SYTL3: variants seen among roughly 807,000 people sequenced by gnomAD.
SYTL3 encodes the protein synaptotagmin-like protein 3.
In SYTL3, 88 loss-of-function variants were observed where a neutral mutation model predicts 82.1. The ratio of observed to expected loss-of-function variants is 1.07; its 90% CI spans 0.90 to 1.28. The LOEUF is 1.28. Among genes scored for constraint, SYTL3 ranks in the 50% most tolerant of loss-of-function variants. The pLI, the probability that SYTL3 is intolerant of heterozygous loss-of-function variation, is 0.00. For missense variants in SYTL3, 831 were observed against 757.6 expected, an observed-to-expected ratio of 1.10 and a Z score of -1.14; for synonymous variants, 311 against 289.4, an observed-to-expected ratio of 1.07 and a Z score of -0.76.
chr6:158,689,386 T>G (rs1246860637), intron 6 of SYTL3, among the ~76,000 whole-genome samples: 1 of 152,228 alleles, frequency 6.6e-6, no homozygotes, highest in Admixed American at 6.5e-5. Context: ...CGAATAAGAT[T>G]GAGTATCTTC....
At chr6:158,691,753 G>A (rs563132343) in intron 6 of SYTL3, among the ~76,000 whole-genome samples, 1 of 151,002 alleles carries the variant, frequency 6.6e-6, no homozygotes, top group African/African-American at 2.4e-5. Flanking sequence ...CCGGGTTCAC[G>A]CCATTCTCCT....
At chr6:158,742,366 CTT>C (rs577058961) in intron 11 of SYTL3, among the ~76,000 whole-genome samples, 194 of 152,268 alleles carry the variant, frequency 1.3e-3, no homozygotes, top group African/African-American at 4.4e-3. Context: ...GGCAAAGAAT[CTT>C]TATCTAGTCT....
chr6:158,721,181 C>G (rs1244513809), intron 10 of SYTL3, among the ~76,000 whole-genome samples: 1 of 152,170 alleles, frequency 6.6e-6, no homozygotes, highest in African/African-American at 2.4e-5. Flanking sequence ...CAGGCCTTCT[C>G]TCTCCCCACC....
intron 5 of SYTL3, among the ~76,000 whole-genome samples, chr6:158,667,123 G>GGC (rs2128373152): frequency 6.6e-6 from 1 of 152,226 alleles, no homozygotes; most frequent in East Asian, 1.9e-4. Context: ...AACATTGCTG[G>GGC]GCAGGGTGTT....
At chr6:158,762,382 A>G (rs965416086) in intron 16 of SYTL3, among the ~76,000 whole-genome samples, 1 of 152,066 alleles carries the variant, frequency 6.6e-6, no homozygotes, top group Non-Finnish European at 1.5e-5. Context: ...TCGAAACCCT[A>G]ATCTTCTCAG....
At chr6:158,661,524 C>T (rs964654967) in intron 3 of SYTL3, 139 bp downstream of exon 3, 3 of 152,160 alleles carry the variant, frequency 2.0e-5, no homozygotes, top group South Asian at 2.1e-4. Context: ...GTTTTCTGTT[C>T]CTCATGCAAC....
chr6:158,733,914 G>A (rs1367238843), intron 11 of SYTL3, among the ~76,000 whole-genome samples: 7 of 151,082 alleles, frequency 4.6e-5, no homozygotes, highest in East Asian at 2.0e-4. Flanking sequence ...TGGCTAACAC[G>A]GTGAAACCCC....
At chr6:158,734,423 A>G (rs915878778) in intron 11 of SYTL3, among the ~76,000 whole-genome samples, 11 of 152,002 alleles carry the variant, frequency 7.2e-5, no homozygotes, top group Non-Finnish European at 1.2e-4. Context: ...AGCCGGTGGG[A>G]TCCTGTGTGA....
intron 11 of SYTL3, among the ~76,000 whole-genome samples, chr6:158,739,994 CTTTTT>C (rs35026438): frequency 4.7e-5 from 5 of 105,576 alleles, no homozygotes; most frequent in African/African-American, 7.6e-5. Flanking sequence ...AGGCAACTTA[CTTTTT>C]TTTTTTTTTT....
At chr6:158,702,346 A>ATT (rs1214272559) in intron 6 of SYTL3, among the ~76,000 whole-genome samples, 25 of 136,686 alleles carry the variant, frequency 1.8e-4, no homozygotes, top group African/African-American at 7.1e-4. Flanking sequence ...AAAAAAAAAA[A>ATT]TTTTTTTTTT....
rs147257610 is a variant in SYTL3, at chr6:158,730,496, A to C, written c.855+4859A>C. Among the ~76,000 whole-genome samples, 584 of 152,310 alleles carry C rather than the reference A, an allele frequency of 3.8e-3. 2 individuals carry two copies. The highest frequency in any genetic ancestry group is 7.3e-3 in the South Asian group (35 of 4,826). ...TAACAAAATGGTGGCCCGTACGGGG[A>C]TACACTCCTCCAGGGGCGGTCTCTA... is the stretch of plus-strand genomic sequence containing the variant. On this transcript the variant is annotated intron_variant, in intron 11 of 17. Coordinates refer to ENST00000611299, the MANE Select transcript of SYTL3 (RefSeq NM_001242394.2).
At chr6:158,761,304 T>TTTTTTC (rs1562475478) in intron 15 of SYTL3, among the ~76,000 whole-genome samples, 1 of 132,094 alleles carries the variant, frequency 7.6e-6, no homozygotes, top group African/African-American at 2.9e-5. Context: ...CACATTTCTT[T>TTTTTTC]TTTTTTTTTT....
Position 158,717,634 on chromosome 6 carries a change from C to T in SYTL3, c.596-453C>T, listed in dbSNP as rs11966952. 8.4e-3 allele frequency among the ~76,000 whole-genome samples: 1,282 copies of T among 152,210 alleles called. 14 individuals carry two copies. The highest frequency in any genetic ancestry group is 0.029 in the African/African-American group (1,185 of 41,526). ...TTATTATAATTGTTATGAGGACACC[C>T]CAAATCTTATTTTTACCTCGCTTCA... On this transcript the variant is annotated intron_variant, in intron 9 of 17. Transcript: ENST00000611299.
chr6:158,722,356 T>A (rs1332755666), intron 10 of SYTL3, among the ~76,000 whole-genome samples: 1 of 151,892 alleles, frequency 6.6e-6, no homozygotes, highest in Non-Finnish European at 1.5e-5. Context: ...GAGATAGGGT[T>A]TTACCATGTT....
Position 158,663,166 on chromosome 6 carries a change from C to T in SYTL3, c.-103C>T. 1 of 975,022 alleles carries T rather than the reference C, an allele frequency of 1.0e-6. No homozygotes were observed. 60.4% of individuals were successfully genotyped at this position (975,022 alleles called of 1,614,324 possible). ...GAAATAGGAGAGGGAGCTCTTTAAA[C>T]AAGGCTGGCTGCAGCTGGCCTCCGC... On this transcript the variant is annotated 5_prime_UTR_variant, in exon 4 of 18. Coordinates refer to ENST00000611299, the MANE Select transcript of SYTL3 (RefSeq NM_001242394.2).
At chr6:158,679,036 TATCATA>T (rs1480264237) in intron 5 of SYTL3, among the ~76,000 whole-genome samples, 11 of 152,170 alleles carry the variant, frequency 7.2e-5, no homozygotes, top group Non-Finnish European at 1.6e-4. Context: ...CTATCACCTC[TATCATA>T]GACTCTAAGG....
At position 158,687,574 on chromosome 6, in the gene SYTL3, C is replaced by T. The variant is rs551579478; in HGVS notation, c.394+4585C>T. ...TGTGTTCCTTGTCTTGGGAGAATGG[C>T]GACACCTCTCACTCTGTCTCCAAAT... On this transcript the variant is annotated intron_variant, in intron 6 of 17. Coordinates refer to ENST00000611299, the MANE Select transcript of SYTL3 (RefSeq NM_001242394.2). Among the ~76,000 whole-genome samples, 48 of 152,282 alleles carry T rather than the reference C, an allele frequency of 3.2e-4. 1 individual carries two copies. The South Asian group carries it at 5.2e-3, about 16-fold the overall frequency.
Position 158,718,107 on chromosome 6 carries a change from GAT to G in SYTL3, c.619_620del (p.Met207AspfsTer3), listed in dbSNP as rs1783634673. The G allele has an allele frequency of 3.2e-6, 5 of 1,543,842 alleles. No individual in the cohort carries two copies. Among genetic ancestry groups the G allele is most frequent in the Middle Eastern group, 3.3e-4 (2 of 5,974 alleles). ...HVKKLSKSQN[D>X]MTSEKHLLAT... ...TTTAGAGCTCTCCAAATCCCAGAAT[GAT>G]ATGACTTCTGAGAAGCATCTTCTCG... On this transcript the variant is annotated frameshift_variant, in exon 10 of 18. Transcript: ENST00000611299. LOFTEE classifies it high-confidence loss of function.
At chr6:158,674,390 T>C (rs1055442112) in intron 5 of SYTL3, among the ~76,000 whole-genome samples, 2 of 152,188 alleles carry the variant, frequency 1.3e-5, no homozygotes, top group Admixed American at 6.5e-5. Flanking sequence ...TTAAATGTTT[T>C]TGGAGGCTGA....
Sources: gnomAD v4.1 joint callset for allele counts (sites outside exome capture counted in the v4.1 genomes callset) on GRCh38, gnomAD v4.1.1 for gene constraint, MANE v1.5 for transcripts, NCBI Gene and HGNC (gene_info 2026-07-23, HGNC 2026-07-21) for gene names.